DHRS7: variants seen among roughly 807,000 people sequenced by gnomAD.
The protein encoded by DHRS7 is dehydrogenase/reductase 7.
In DHRS7, 34 loss-of-function variants were observed where a neutral mutation model predicts 38.9. That is an observed-to-expected ratio of 0.87 (90% CI 0.66 to 1.16). The LOEUF is 1.16. Among genes scored for constraint, DHRS7 ranks in the 50% most tolerant of loss-of-function variants. The pLI is 0.00. For synonymous variants in DHRS7, 158 were observed against 153.1 expected (o/e 1.03, Z -0.24); for missense variants, 421 against 407.0 (o/e 1.03, Z -0.30).
intron 1 of DHRS7, among the ~76,000 whole-genome samples, chr14:60,156,526 ACTGT>A (rs1171684702): frequency 3.3e-5 from 5 of 152,232 alleles, no homozygotes; most frequent in Non-Finnish European, 5.9e-5. Flanking sequence ...TACAAAAATC[ACTGT>A]CTGGACTCAC....
chr14:60,149,624 G>T, intron 5 of DHRS7, 56 bp from the exon 6 acceptor site: 1 of 1,426,566 alleles, frequency 7.0e-7, no homozygotes, highest in Non-Finnish European at 9.5e-7. Flanking sequence ...ATAACTTTAA[G>T]CTAGAAAGGA....
Position 60,152,933 on chromosome 14 carries a change from C to A in DHRS7, c.633+6G>T, listed in dbSNP as rs1189065974. On this transcript the variant is annotated splice_donor_region_variant and intron_variant, in intron 4 of 6. Transcript: ENST00000557185. The stretch of plus-strand genomic sequence containing the variant: ...TTCTATCAGAGTTGAGTTTGAGCAG[C>A]CTTACCCGGAGAGCATGCTTGCTAG... 6.2e-7 allele frequency: 1 copy of A among 1,613,978 alleles called. No homozygotes were observed. The highest frequency in any genetic ancestry group is 1.1e-5 in the South Asian group (1 of 91,074).
intron 5 of DHRS7, 71 bp from the exon 6 acceptor site, chr14:60,149,639 A>G (rs533715327): frequency 8.0e-7 from 1 of 1,256,482 alleles, no homozygotes; most frequent in East Asian, 2.4e-5. Context: ...AAAGGACTCA[A>G]ATGCCGTCTA....
rs1196982802 is a variant in DHRS7 at position 60,162,346 on chromosome 14, C to A, written c.133+2831G>T. On this transcript the variant is annotated intron_variant, in intron 1 of 6. Coordinates refer to ENST00000557185, the MANE Select transcript of DHRS7 (RefSeq NM_016029.4). The surrounding 1 kb of genome is among the most constrained non-coding windows in gnomAD (Gnocchi z 4.5). Reference sequence around the variant, plus strand: ...TATGATCATGCCACTGCACTCCAGGCTGGGTGACAAAGCAAGACCTTGTCT... The same window carrying A: ...TATGATCATGCCACTGCACTCCAGGATGGGTGACAAAGCAAGACCTTGTCT... Among the ~76,000 whole-genome samples, 1 of 151,282 alleles carries A rather than the reference C, an allele frequency of 6.6e-6. No individual in the cohort carries two copies. Among genetic ancestry groups the A allele is most frequent in the African/African-American group, 2.4e-5 (1 of 41,084 alleles).
intron 1 of DHRS7, chr14:60,159,259 A>C (rs1347583722): frequency 2.4e-6 from 1 of 411,372 alleles, no homozygotes; most frequent in East Asian, 8.8e-5. Context: ...TTTCTTAGAC[A>C]ATACACAGAA....
At position 60,153,329 on chromosome 14, in the gene DHRS7, A is replaced by C. The variant is rs1327146701; in HGVS notation, c.394-151T>G. ...AAGTCAGCAATTAAAAAGATAAAAT[A>C]AAGCCCTGAATTTACCTGTGGAATT... On this transcript the variant is annotated intron_variant, in intron 3 of 6. Transcript: ENST00000557185. This position sits in a 1 kb window ranked among gnomAD's most constrained non-coding sequence, Gnocchi z 4.4. 3.0e-6 allele frequency: 3 copies of C among 991,328 alleles called. No individual in the cohort carries two copies. Among genetic ancestry groups the C allele is most frequent in the Non-Finnish European group, 4.3e-6 (3 of 693,098 alleles). The allele number at this position is 991,328 out of a possible 1,614,324, so 61.4% of individuals were successfully genotyped here. A position where few individuals can be genotyped will look rare whatever the true frequency, so the allele number is the denominator to read the frequency against.
chr14:60,163,035 T>C (rs923890958), intron 1 of DHRS7, among the ~76,000 whole-genome samples: 3 of 151,954 alleles, frequency 2.0e-5, no homozygotes, highest in Non-Finnish European at 4.4e-5. Context: ...CCATGCGTGG[T>C]GGCACGCACC....
chr14:60,165,420 C>A (rs1007775434), upstream of DHRS7: 3 of 1,429,542 alleles, frequency 2.1e-6, no homozygotes, highest in Admixed American at 2.7e-5. The surrounding 1 kb of genome is among the most constrained non-coding windows in gnomAD (Gnocchi z 4.6). Flanking sequence ...AGCCGCACTG[C>A]CCCGGCTCCG....
chr14:60,168,760 T>C (rs1290046437), upstream of DHRS7: 7 of 1,549,988 alleles, frequency 4.5e-6, no homozygotes, highest in Non-Finnish European at 6.1e-6. Context: ...AAAAACAAAA[T>C]TCTTTCTTGC....
rs768310461 is a variant in DHRS7 at position 60,156,088 on chromosome 14, C to T, written c.198G>A (p.Leu66=). The change falls in exon 2 of 7, where the codon CTG becomes CTA. Residue 66 remains leucine (L), a synonymous_variant. Transcript: ENST00000557185. ...CTCCTAGTTTAGACAACTGGTAAGC[C>T]AGCTCCTCACCAATTCCACTCGAGG... The part of the protein sequence containing the change: ...TGASSGIGEE[L]AYQLSKLGVS... 3.1e-6 allele frequency: 5 copies of T among 1,603,610 alleles called. No homozygotes were observed. The South Asian group carries it at 4.5e-5, about 14-fold the overall frequency.
upstream of DHRS7, chr14:60,165,399 G>C (rs1014259497): frequency 2.9e-5 from 44 of 1,494,618 alleles, no homozygotes; most frequent in Middle Eastern, 4.7e-4. This position sits in a 1 kb window ranked among gnomAD's most constrained non-coding sequence, Gnocchi z 4.6. Context: ...CCACCCCTTC[G>C]GCCAGCCCAG....
At position 60,161,404 on chromosome 14, in the gene DHRS7, G is replaced by A. The variant is rs554278618; in HGVS notation, c.133+3773C>T. 1.2e-4 allele frequency among the ~76,000 whole-genome samples: 18 copies of A among 152,168 alleles called. 1 individual carries two copies. Among genetic ancestry groups the A allele is most frequent in the Admixed American group, 8.5e-4 (13 of 15,284 alleles). ...AATTGTGTTGCAATTCTGCTTTCTT[G>A]TTTTACAAAAAGCTGTTTCAGGAAG... On this transcript the variant is annotated intron_variant, in intron 1 of 6. Transcript: ENST00000557185. This position sits in a 1 kb window ranked among gnomAD's most constrained non-coding sequence, Gnocchi z 4.2.
intron 1 of DHRS7, among the ~76,000 whole-genome samples, chr14:60,156,712 C>G (rs1035728624): frequency 3.9e-5 from 6 of 152,110 alleles, no homozygotes; most frequent in Non-Finnish European, 7.4e-5. Context: ...AGTATTTTCC[C>G]CATTTGCCAA....
Position 60,148,313 on chromosome 14 carries a change from TA to T in DHRS7, c.972+1039del, listed in dbSNP as rs1268991377. 6.6e-6 allele frequency: 1 copy of T among 152,230 alleles called. No homozygotes were observed. The highest frequency in any genetic ancestry group is 1.5e-5 in the Non-Finnish European group (1 of 68,030). The allele number at this position is 152,230 out of a possible 1,614,324, so 9.4% of individuals were successfully genotyped here. On this transcript the variant is annotated intron_variant, in intron 6 of 6. Coordinates refer to ENST00000557185, the MANE Select transcript of DHRS7 (RefSeq NM_016029.4). This position sits in a 1 kb window ranked among gnomAD's most constrained non-coding sequence, Gnocchi z 4.8. Reference sequence around the variant, plus strand: ...CTGTCAATCCCCATTGATTAATTTCTAAAAGAAGGTGGTAACAAAGTATATC... The same window carrying T: ...CTGTCAATCCCCATTGATTAATTTCTAAAGAAGGTGGTAACAAAGTATATC...
chr14:60,163,262 T>C lies in DHRS7; in HGVS notation c.133+1915A>G, dbSNP rs182844466. ...GACTAAATTTTAAAATTAAGTTAAA[T>C]GTTAAATTAAAATTTAAAAGTTATT... is the stretch of plus-strand genomic sequence containing the variant. On this transcript the variant is annotated intron_variant, in intron 1 of 6. Coordinates refer to ENST00000557185, the MANE Select transcript of DHRS7 (RefSeq NM_016029.4). Among the ~76,000 whole-genome samples the C allele has an allele frequency of 9.2e-5, 14 of 152,348 alleles. No individual in the cohort carries two copies. The East Asian group carries it at 2.7e-3, about 29-fold the overall frequency.
intron 1 of DHRS7, chr14:60,159,169 C>A: frequency 2.7e-6 from 1 of 363,842 alleles, no homozygotes; most frequent in Non-Finnish European, 5.6e-6. Context: ...TGTTGGAACC[C>A]CAACATACAC....
At chr14:60,168,410 A>G (rs1351413612), upstream of DHRS7, among the ~76,000 whole-genome samples, 1 of 152,214 alleles carries the variant, frequency 6.6e-6, no homozygotes, top group Non-Finnish European at 1.5e-5. Flanking sequence ...ACATGAGTAC[A>G]TGCAAAGCTG....
At chr14:60,149,128 AT>A in intron 6 of DHRS7, 1 of 517,140 alleles carries the variant, frequency 1.9e-6, no homozygotes, top group South Asian at 2.1e-5. Flanking sequence ...ATGCACCACC[AT>A]GCCCAGCTAC....
In DHRS7 at chr14:60,150,074, T is replaced by C. The variant is rs1285739939; in HGVS notation, c.747A>G (p.Glu249=). 1.9e-6 allele frequency: 3 copies of C among 1,596,758 alleles called. No homozygotes were observed. Among genetic ancestry groups the C allele is most frequent in the African/African-American group, 1.4e-5 (1 of 73,488 alleles). Residue 249 remains glutamate (E), a synonymous_variant, in exon 5 of 7, where the codon GAA becomes GAG. Transcript: ENST00000557185. ...SNIVENSLAG[E]VTKTIGNNGD... is the part of the protein sequence containing the mutation. ...AACTAGAAATTTTTACCTTTGTGAC[T>C]TCTCCAGCTAGGGAATTCTCCACAA...
Sources: gnomAD v4.1 joint callset for allele counts (sites outside exome capture counted in the v4.1 genomes callset) on GRCh38, gnomAD v4.1.1 for gene constraint, Gnocchi (gnomAD v3.1) non-coding constraint, MANE v1.5 for transcripts, NCBI Gene and HGNC (gene_info 2026-07-23, HGNC 2026-07-21) for gene names.